The following DCC variants were observed in gnomAD, a reference collection of about 807,000 sequenced individuals.
DCC encodes DCC netrin 1 receptor.
DCC carries 58 observed loss-of-function variants against 172.5 expected under a neutral mutation model. That is an observed-to-expected ratio of 0.34 (90% CI 0.27 to 0.42). DCC has a LOEUF of 0.42. Among genes scored for constraint, DCC ranks in the 10% least tolerant of loss-of-function variants. The pLI, the probability that DCC is intolerant of heterozygous loss-of-function variation, is 1.00. For missense variants in DCC, 1,740 were observed against 1,791.0 expected (o/e 0.97, Z 0.51); for synonymous variants, 709 against 644.5 (o/e 1.10, Z -1.52).
At chr18:53,130,664 C>T (rs1352032320) in intron 7 of DCC, among the ~76,000 whole-genome samples, 1 of 152,088 alleles carries the variant, frequency 6.6e-6, no homozygotes, top group African/African-American at 2.4e-5. Context: ...CCCTGACTTA[C>T]TCTGGTCTTC....
chr18:52,469,030 G>T lies in DCC; in HGVS notation c.91+128152G>T, dbSNP rs5824938. On this transcript the variant is annotated intron_variant, in intron 1 of 28. Coordinates refer to ENST00000442544, the MANE Select transcript of DCC (RefSeq NM_005215.4). ...TTACTCATCAGTGGAAAACAATTTT[G>T]ATTTATTTATTTATTTATTTATTTA... is the stretch of plus-strand genomic sequence containing the variant. Among the ~76,000 whole-genome samples, 759 of 145,776 alleles carry T rather than the reference G, an allele frequency of 5.2e-3. 8 individuals carry two copies. The highest frequency in any genetic ancestry group is 0.026 in the South Asian group (113 of 4,410).
chr18:53,206,466 A>G (rs2055644197), intron 10 of DCC, among the ~76,000 whole-genome samples: 2 of 134,770 alleles, frequency 1.5e-5, no homozygotes, highest in Non-Finnish European at 3.1e-5. Context: ...TATGTGTTAT[A>G]TATAGTATAT....
intron 5 of DCC, among the ~76,000 whole-genome samples, chr18:52,991,844 G>A (rs2041397459): frequency 6.6e-6 from 1 of 152,188 alleles, no homozygotes; most frequent in South Asian, 2.1e-4. Context: ...TTTATGGTAT[G>A]CCAGGAACTG....
intron 1 of DCC, among the ~76,000 whole-genome samples, chr18:52,619,569 A>C (rs901461450): frequency 6.6e-6 from 1 of 152,206 alleles, no homozygotes; most frequent in Non-Finnish European, 1.5e-5. Context: ...CTTTGGATGC[A>C]GTTGTTCAAG....
At chr18:52,394,027 C>G (rs1986126423) in intron 1 of DCC, among the ~76,000 whole-genome samples, 1 of 152,036 alleles carries the variant, frequency 6.6e-6, no homozygotes, top group African/African-American at 2.4e-5. Context: ...CTGGTAAATT[C>G]ACGATAGGCT....
chr18:53,485,842 A>C (rs954637900), intron 25 of DCC, among the ~76,000 whole-genome samples: 1 of 152,108 alleles, frequency 6.6e-6, no homozygotes, highest in African/African-American at 2.4e-5. Flanking sequence ...GAATATGACA[A>C]AAGAAAAGAT....
chr18:53,002,517 T>C (rs564322961), intron 5 of DCC, among the ~76,000 whole-genome samples: 1 of 152,200 alleles, frequency 6.6e-6, no homozygotes, highest in East Asian at 1.9e-4. Context: ...GTGAGATAAT[T>C]CACAATAGAC....
intron 5 of DCC, among the ~76,000 whole-genome samples, chr18:53,003,389 G>A (rs1167519385): frequency 6.6e-6 from 1 of 152,176 alleles, no homozygotes; most frequent in Non-Finnish European, 1.5e-5. Flanking sequence ...CAGTGGCGGA[G>A]CCTGTGTGGA....
At chr18:52,508,008 G>A (rs2031295999) in intron 1 of DCC, among the ~76,000 whole-genome samples, 1 of 152,064 alleles carries the variant, frequency 6.6e-6, no homozygotes, top group Non-Finnish European at 1.5e-5. Context: ...GGCTGAGACA[G>A]GAGAATTACT....
chr18:53,159,466 G>T (rs2054800124), intron 8 of DCC, among the ~76,000 whole-genome samples: 1 of 152,024 alleles, frequency 6.6e-6, no homozygotes, highest in Admixed American at 6.6e-5. Flanking sequence ...TGATCTCTGG[G>T]AATCGCTCCT....
chr18:53,321,987 C>T (rs2057416588), intron 13 of DCC, 60 bp from the exon 14 acceptor site: 1 of 910,834 alleles, frequency 1.1e-6, no homozygotes. Context: ...TTTGGAAACC[C>T]AGGTAGGAAT....
At chr18:53,212,827 C>T (rs754971127) in intron 11 of DCC, among the ~76,000 whole-genome samples, 1 of 152,046 alleles carries the variant, frequency 6.6e-6, no homozygotes, top group African/African-American at 2.4e-5. Context: ...TGTACCCACA[C>T]GCCAGGCTAA....
intron 15 of DCC, among the ~76,000 whole-genome samples, chr18:53,382,230 G>T (rs957545576): frequency 1.3e-5 from 2 of 151,892 alleles, no homozygotes; most frequent in Non-Finnish European, 2.9e-5. Flanking sequence ...CTGCAAAAAG[G>T]CAATTTTAAA....
At chr18:53,282,598 T>C (rs1027328157) in intron 12 of DCC, among the ~76,000 whole-genome samples, 2 of 152,166 alleles carry the variant, frequency 1.3e-5, no homozygotes, top group Non-Finnish European at 2.9e-5. Flanking sequence ...ACTGAAGCAT[T>C]ATAGGAGCAT....
chr18:53,178,921 T>A, intron 8 of DCC, 41 bp from the exon 9 acceptor site: 1 of 1,612,862 alleles, frequency 6.2e-7, no homozygotes, highest in Non-Finnish European at 8.5e-7. Flanking sequence ...CTGAAGGTAT[T>A]CTTTTTGGAA....
chr18:52,880,366 T>C (rs959431819), intron 2 of DCC, among the ~76,000 whole-genome samples: 2 of 152,188 alleles, frequency 1.3e-5, no homozygotes, highest in Non-Finnish European at 2.9e-5. Flanking sequence ...CAGGTTGGTC[T>C]GGAACTCCTG....
At chr18:53,194,134 A>G (rs2055407420) in intron 9 of DCC, among the ~76,000 whole-genome samples, 1 of 152,180 alleles carries the variant, frequency 6.6e-6, no homozygotes, top group Non-Finnish European at 1.5e-5. Flanking sequence ...CCTCTGGTGC[A>G]TATCTATTTA....
chr18:53,337,524 T>A (rs1416373701), intron 14 of DCC, among the ~76,000 whole-genome samples: 3 of 152,228 alleles, frequency 2.0e-5, no homozygotes, highest in Admixed American at 2.0e-4. Context: ...TTTCTGCTGT[T>A]AAGGCTTATA....
At chr18:53,306,947 T>C (rs765754024) in intron 13 of DCC, among the ~76,000 whole-genome samples, 1 of 152,208 alleles carries the variant, frequency 6.6e-6, no homozygotes, top group Non-Finnish European at 1.5e-5. Flanking sequence ...TAAACTACCA[T>C]TGCAAGTGAG....
Sources: gnomAD v4.1 joint callset for allele counts (sites outside exome capture counted in the v4.1 genomes callset) on GRCh38, gnomAD v4.1.1 for gene constraint, MANE v1.5 for transcripts, NCBI Gene and HGNC (gene_info 2026-07-23, HGNC 2026-07-21) for gene names.